Variants in NRXN1 observed in about 807,000 individuals in gnomAD.
The protein encoded by NRXN1 is neurexin-1.
In NRXN1, 39 loss-of-function variants were observed where a neutral mutation model predicts 150.9. The ratio of observed to expected loss-of-function variants is 0.26; its 90% CI spans 0.20 to 0.34. NRXN1 has a LOEUF of 0.34. Among genes scored for constraint, NRXN1 ranks in the 10% least tolerant of loss-of-function variants. The pLI is 1.00. For missense variants in NRXN1, 1,815 were observed against 1,949.9 expected, an observed-to-expected ratio of 0.93 and a Z score of 1.30; for synonymous variants, 924 against 757.0, an observed-to-expected ratio of 1.22 and a Z score of -3.62.
At chr2:50,229,109 G>T (rs2064690587) in intron 18 of NRXN1, among the ~76,000 whole-genome samples, 1 of 151,996 alleles carries the variant, frequency 6.6e-6, no homozygotes, top group African/African-American at 2.4e-5. Context: ...ATTAACTTGA[G>T]TACCCCCTAT....
At chr2:50,868,434 G>A (rs1298904006) in intron 5 of NRXN1, among the ~76,000 whole-genome samples, 1 of 151,060 alleles carries the variant, frequency 6.6e-6, no homozygotes, top group Non-Finnish European at 1.5e-5. Flanking sequence ...TGAACAATGA[G>A]AACTTACTTA....
rs951094010 is a variant in NRXN1 at position 50,926,063 on chromosome 2, T to C, written c.773-108A>G. ...TTCCTCATGCAAGGCACCAAACACA[T>C]CATGCAAGTGCTCCATCACTATCAT... On this transcript the variant is annotated intron_variant, in intron 2 of 22. Transcript: ENST00000401669. 11 of 806,092 alleles carry C rather than the reference T, an allele frequency of 1.4e-5. No homozygotes were observed. In the South Asian group the frequency reaches 1.6e-4, roughly 12 times the overall value. The allele number at this position is 806,092 out of a possible 1,614,324, so 49.9% of individuals were successfully genotyped here.
intron 18 of NRXN1, among the ~76,000 whole-genome samples, chr2:50,208,901 T>A (rs1237044007): frequency 6.6e-6 from 1 of 152,154 alleles, no homozygotes; most frequent in African/African-American, 2.4e-5. Context: ...TTAATAGATA[T>A]TTCTCACACA....
chr2:50,686,849 A>C (rs1219395252), intron 5 of NRXN1, among the ~76,000 whole-genome samples: 1 of 152,202 alleles, frequency 6.6e-6, no homozygotes, highest in African/African-American at 2.4e-5. Flanking sequence ...TATGCATGTA[A>C]ATGGGAATTA....
intron 5 of NRXN1, among the ~76,000 whole-genome samples, chr2:50,806,373 T>C (rs1667510083): frequency 6.6e-6 from 1 of 152,212 alleles, no homozygotes; most frequent in Admixed American, 6.5e-5. Flanking sequence ...ATTATTTTGT[T>C]AGTAAACCCC....
chr2:50,070,668 G>A (rs200605950), intron 19 of NRXN1, among the ~76,000 whole-genome samples: 2,183 of 151,046 alleles, frequency 0.014, 25 homozygotes, highest in South Asian at 0.027. Context: ...TACTCGGGAG[G>A]CTGAGGCAGG....
At chr2:50,870,644 C>T (rs967858234) in intron 5 of NRXN1, among the ~76,000 whole-genome samples, 4 of 151,910 alleles carry the variant, frequency 2.6e-5, no homozygotes, top group African/African-American at 4.8e-5. Context: ...ATGTGTTGCC[C>T]TATTATCTTC....
chr2:50,348,142 C>CA (rs1250363485), intron 17 of NRXN1, among the ~76,000 whole-genome samples: 1 of 152,198 alleles, frequency 6.6e-6, no homozygotes, highest in Non-Finnish European at 1.5e-5. Context: ...TGTTTAAACT[C>CA]AATCTGCTAA....
chr2:50,276,244 C>T (rs961805619), intron 17 of NRXN1, among the ~76,000 whole-genome samples: 4 of 151,862 alleles, frequency 2.6e-5, no homozygotes, highest in East Asian at 1.9e-4. Context: ...CAAAACCACA[C>T]AGCTGTTAAA....
intron 17 of NRXN1, among the ~76,000 whole-genome samples, chr2:50,284,167 A>T (rs1344770001): frequency 2.4e-4 from 37 of 152,314 alleles, no homozygotes; most frequent in Non-Finnish European, 8.8e-5. Flanking sequence ...TGGTACAGTG[A>T]CCTTTGAGGA....
intron 17 of NRXN1, among the ~76,000 whole-genome samples, chr2:50,308,660 T>C (rs1023111127): frequency 6.6e-6 from 1 of 152,170 alleles, no homozygotes; most frequent in African/African-American, 2.4e-5. Context: ...ATCAGTGTAT[T>C]AAACATTTTT....
Position 50,890,504 on chromosome 2 carries a change from T to G in NRXN1, c.832+31365A>C, listed in dbSNP as rs145735415. Among the ~76,000 whole-genome samples the G allele has an allele frequency of 2.5e-4, 38 of 151,996 alleles. No individual in the cohort carries two copies. The East Asian group carries it at 7.2e-3, about 29-fold the overall frequency. On this transcript the variant is annotated intron_variant, in intron 5 of 22. Coordinates refer to ENST00000401669, the MANE Select transcript of NRXN1 (RefSeq NM_001330078.2). ...AAAGTTTTACTTAGATTTTTTTTAA[T>G]GTGAATCGTTAGTTTTGTCAGACCA...
chr2:50,292,019 C>T (rs1205344035), intron 17 of NRXN1, among the ~76,000 whole-genome samples: 1 of 152,146 alleles, frequency 6.6e-6, no homozygotes. Context: ...CACAGCACTG[C>T]AACCATTCTG....
rs1014781037 is a variant in NRXN1, at chr2:50,595,551, T to C, written c.1320+24471A>G. 3.3e-5 allele frequency among the ~76,000 whole-genome samples: 5 copies of C among 152,166 alleles called. No individual in the cohort carries two copies. The East Asian group carries it at 7.7e-4, about 24-fold the overall frequency. On this transcript the variant is annotated intron_variant, in intron 8 of 22. Coordinates refer to ENST00000401669, the MANE Select transcript of NRXN1 (RefSeq NM_001330078.2). ...AGTAACATTTATAGCATTGCAAAGA[T>C]GCCACGGTCAGCATTTGAGGCTATG...
At chr2:50,104,963 A>G (rs1296997675) in intron 18 of NRXN1, among the ~76,000 whole-genome samples, 3 of 152,058 alleles carry the variant, frequency 2.0e-5, no homozygotes, top group African/African-American at 7.2e-5. Context: ...CCAGCCTACC[A>G]ATCTCCATGT....
chr2:50,504,223 A>C (rs1229064501), intron 13 of NRXN1, among the ~76,000 whole-genome samples: 1 of 151,968 alleles, frequency 6.6e-6, no homozygotes, highest in African/African-American at 2.4e-5. Context: ...TATTGATAAC[A>C]TTGAATCAAC....
At chr2:50,858,340 C>A (rs945173434) in intron 5 of NRXN1, among the ~76,000 whole-genome samples, 3 of 152,060 alleles carry the variant, frequency 2.0e-5, no homozygotes, top group African/African-American at 7.2e-5. Flanking sequence ...TGGGCGCAAT[C>A]ATTCTCAAGG....
chr2:50,799,220 T>C (rs1243727182), intron 5 of NRXN1, among the ~76,000 whole-genome samples: 1 of 152,234 alleles, frequency 6.6e-6, no homozygotes, highest in African/African-American at 2.4e-5. Context: ...GGATGAGTTA[T>C]TTGTGTACTT....
At chr2:50,198,727 T>C (rs1030266906) in intron 18 of NRXN1, among the ~76,000 whole-genome samples, 3 of 152,156 alleles carry the variant, frequency 2.0e-5, no homozygotes, top group African/African-American at 7.2e-5. Flanking sequence ...CATTCTAGAT[T>C]ATCCCTTAGT....
Sources: gnomAD v4.1 joint callset for allele counts (sites outside exome capture counted in the v4.1 genomes callset) on GRCh38, gnomAD v4.1.1 for gene constraint, MANE v1.5 for transcripts, NCBI Gene and HGNC (gene_info 2026-07-23, HGNC 2026-07-21) for gene names.